Variants in VIT observed in about 807,000 individuals in gnomAD.
VIT encodes vitrin.
In VIT, 99 loss-of-function variants were observed where a neutral mutation model predicts 78.0. The ratio of observed to expected loss-of-function variants is 1.27; its 90% confidence interval spans 1.08 to 1.50. The LOEUF is 1.50. Among genes scored for constraint, VIT ranks in the 40% most tolerant of loss-of-function variants. The pLI is 0.00. For missense variants in VIT, 1,126 were observed against 875.3 expected, an observed-to-expected ratio of 1.29 and a Z score of -3.61; for synonymous variants, 374 against 334.3, an observed-to-expected ratio of 1.12 and a Z score of -1.29.
chr2:36,726,479 A>G (rs1666853250), intron 2 of VIT, among the ~76,000 whole-genome samples: 1 of 152,242 alleles, frequency 6.6e-6, no homozygotes, highest in Non-Finnish European at 1.5e-5. Context: ...ACGTTTTTCT[A>G]CAAAGAACAT....
chr2:36,767,918 C>A lies in VIT; in HGVS notation c.679+633C>A, dbSNP rs546197667. Among the ~76,000 whole-genome samples, 9 of 152,254 alleles carry A rather than the reference C, an allele frequency of 5.9e-5. No homozygotes were observed. The South Asian group carries it at 1.9e-3, about 32-fold the overall frequency. On this transcript the variant is annotated intron_variant, in intron 7 of 15. Transcript: ENST00000379242. Reference sequence around the variant, plus strand: ...TTCCAGAACTTTTCTAGCAAGGGGGCGAAAACTTCTGCAGCTGGAGTTCCA... The same window carrying A: ...TTCCAGAACTTTTCTAGCAAGGGGGAGAAAACTTCTGCAGCTGGAGTTCCA...
At chr2:36,801,459 G>C in intron 13 of VIT, 55 bp downstream of exon 13, 2 of 1,427,216 alleles carry the variant, frequency 1.4e-6, no homozygotes, top group Non-Finnish European at 2.0e-6. Flanking sequence ...CTCTTTCTAC[G>C]TGATTGTCTT....
intron 6 of VIT, 99 bp from the exon 7 acceptor site, chr2:36,766,995 G>C: frequency 7.5e-7 from 1 of 1,334,344 alleles, no homozygotes. Flanking sequence ...ACAGCTCTGT[G>C]CTCATAGCTA....
chr2:36,759,139 G>A (rs773124260), intron 6 of VIT, 93 bp downstream of exon 6: 59 of 1,611,274 alleles, frequency 3.7e-5, no homozygotes, highest in South Asian at 3.4e-4. Flanking sequence ...CATCTTAACC[G>A]GTCAAGCTCC....
chr2:36,789,054 C>G (rs2148637795), intron 12 of VIT, among the ~76,000 whole-genome samples: 1 of 152,276 alleles, frequency 6.6e-6, no homozygotes, highest in African/African-American at 2.4e-5. Context: ...CTTGTGTCTG[C>G]CTTTTTCACG....
At chr2:36,787,802 T>A (rs1199931166) in intron 12 of VIT, 1 of 456,232 alleles carries the variant, frequency 2.2e-6, no homozygotes, top group Admixed American at 2.4e-5. Flanking sequence ...CCTGCACTGG[T>A]ACTGGAAAAA....
At chr2:36,722,716 A>C (rs1431736676) in intron 2 of VIT, among the ~76,000 whole-genome samples, 1 of 152,182 alleles carries the variant, frequency 6.6e-6, no homozygotes, top group African/African-American at 2.4e-5. Context: ...ACAAATATGC[A>C]GTAAGTACCT....
intron 4 of VIT, among the ~76,000 whole-genome samples, chr2:36,753,986 C>T (rs1347583143): frequency 6.6e-6 from 1 of 152,156 alleles, no homozygotes; most frequent in Non-Finnish European, 1.5e-5. Context: ...GAATGAATGG[C>T]AATAACAGCA....
rs1458732773 is a variant in VIT, at chr2:36,797,029, T to C, written c.1059-4272T>C. Among the ~76,000 whole-genome samples the C allele has an allele frequency of 2.0e-5, 3 of 152,146 alleles. No individual in the cohort carries two copies. In the East Asian group the frequency reaches 5.8e-4, roughly 29 times the overall value. On this transcript the variant is annotated intron_variant, in intron 12 of 15. Transcript: ENST00000379242. The stretch of plus-strand genomic sequence containing the variant: ...ACATTATGTTTGATGGACAATTACA[T>C]ATTTATTATTGTCAGTGTCAATTTT...
chr2:36,701,181 C>G (rs1300298066), intron 1 of VIT, among the ~76,000 whole-genome samples: 1 of 151,870 alleles, frequency 6.6e-6, no homozygotes, highest in Non-Finnish European at 1.5e-5. Flanking sequence ...GCAAGGAACT[C>G]ACAGGGGAAG....
intron 1 of VIT, among the ~76,000 whole-genome samples, chr2:36,701,687 C>T (rs757179245): frequency 6.6e-6 from 1 of 152,164 alleles, no homozygotes; most frequent in Non-Finnish European, 1.5e-5. Context: ...AGGTCACTGG[C>T]ACCTTAATGC....
At chr2:36,732,860 C>G (rs1331329923) in intron 3 of VIT, among the ~76,000 whole-genome samples, 1 of 152,162 alleles carries the variant, frequency 6.6e-6, no homozygotes, top group East Asian at 1.9e-4. Flanking sequence ...CACACGGATT[C>G]TGAAGGCCAA....
In VIT at chr2:36,773,860, A is replaced by T. The variant is rs769153465; in HGVS notation, c.736+13A>T. The T allele has an allele frequency of 3.2e-6, 5 of 1,583,512 alleles. No homozygotes were observed. Among genetic ancestry groups the T allele is most frequent in the East Asian group, 2.3e-5 (1 of 44,200 alleles). ...AGAGCTGATCCAGGTAAGACCTTAA[A>T]CTCCCTTTCCAGCCACTGATGAAAG... On this transcript the variant is annotated intron_variant, in intron 8 of 15. Transcript: ENST00000379242.
At chr2:36,727,137 C>T (rs560243760) in intron 2 of VIT, among the ~76,000 whole-genome samples, 43 of 152,138 alleles carry the variant, frequency 2.8e-4, no homozygotes, top group African/African-American at 9.4e-4. Context: ...CCAGGGAACC[C>T]GGAGGGAATA....
At position 36,814,320 on chromosome 2, in the gene VIT, C is replaced by T. The variant is rs762813826; in HGVS notation, c.2041C>T (p.Gln681Ter). ...CCATCAGTATGTCCCCAGGATCATC[C>T]AGAACATTTGTACAGAGTTCAACTC... ...NLHQYVPRII[Q>*]NICTEFNSQP... The change falls in exon 16 of 16, where the codon CAG becomes TAG. Residue 681 changes from glutamine (Q) to a stop codon, truncating the protein, a stop_gained. Transcript: ENST00000379242. LOFTEE classifies it high-confidence loss of function. 2.5e-5 allele frequency: 41 copies of T among 1,614,090 alleles called. No homozygotes were observed. Among genetic ancestry groups the T allele is most frequent in the Non-Finnish European group, 3.5e-5 (41 of 1,180,050 alleles).
chr2:36,728,494 G>A (rs1220130416), intron 2 of VIT, among the ~76,000 whole-genome samples: 1 of 151,986 alleles, frequency 6.6e-6, no homozygotes, highest in East Asian at 1.9e-4. Flanking sequence ...AAAAGATACA[G>A]TAAGCTAAGA....
chr2:36,800,363 A>G (rs544101653), intron 12 of VIT, among the ~76,000 whole-genome samples: 1 of 152,122 alleles, frequency 6.6e-6, no homozygotes, highest in Non-Finnish European at 1.5e-5. Flanking sequence ...AAGAAAGAAA[A>G]AAGAAAACAG....
chr2:36,799,024 C>A (rs920063965), intron 12 of VIT, among the ~76,000 whole-genome samples: 1 of 152,166 alleles, frequency 6.6e-6, no homozygotes, highest in African/African-American at 2.4e-5. Flanking sequence ...ACCTGGTTTT[C>A]TTCTGGTGAA....
At chr2:36,767,410 G>A (rs942794971) in intron 7 of VIT, 125 bp downstream of exon 7, 1 of 1,014,600 alleles carries the variant, frequency 9.9e-7, no homozygotes, top group African/African-American at 1.7e-5. Flanking sequence ...CTGGGCCGGG[G>A]GTATGTTATT....
Sources: allele counts gnomAD v4.1 joint callset (sites outside exome capture counted in the v4.1 genomes callset), GRCh38; gene constraint gnomAD v4.1.1; transcripts MANE v1.5; gene names NCBI Gene and HGNC (gene_info 2026-07-23, HGNC 2026-07-21).